Variants in DPP10 observed in about 807,000 individuals in gnomAD.
DPP10 encodes the protein inactive dipeptidyl peptidase 10.
A neutral mutation model predicts 120.9 loss-of-function variants in DPP10; 33 were observed. The observed-to-expected ratio is 0.27, with a 90% CI of 0.21 to 0.37. The LOEUF (loss-of-function observed/expected upper bound fraction) is 0.37, where lower values mean the gene tolerates loss of function less well. DPP10 is among the 10% of genes least tolerant of loss of function. The probability of loss-of-function intolerance (pLI) is 1.00; values close to 1 mark genes in which losing one functional copy is unlikely to be tolerated. For missense variants in DPP10, 816 were observed against 942.8 expected, an observed-to-expected ratio of 0.87 and a Z score of 1.76; for synonymous variants, 337 against 326.1, an observed-to-expected ratio of 1.03 and a Z score of -0.36.
intron 1 of DPP10, among the ~76,000 whole-genome samples, chr2:114,993,902 A>G (rs956995202): frequency 3.3e-5 from 5 of 152,124 alleles, no homozygotes; most frequent in African/African-American, 1.2e-4. Flanking sequence ...GTGCTGAATC[A>G]CCAGCCTCAC....
chr2:114,612,324 C>T (rs1025053290), intron 1 of DPP10, among the ~76,000 whole-genome samples: 2 of 152,132 alleles, frequency 1.3e-5, no homozygotes, highest in African/African-American at 4.8e-5. Context: ...TCATCTCTAG[C>T]CTCAACTCCT....
intron 1 of DPP10, among the ~76,000 whole-genome samples, chr2:114,929,768 T>C (rs62167686): frequency 0.18 from 28,011 of 152,130 alleles, 2,957 homozygotes; most frequent in Non-Finnish European, 0.23. Flanking sequence ...GATGATGGGA[T>C]TAAGAGATTA....
chr2:114,928,575 A>G lies in DPP10; in HGVS notation c.61-380664A>G, dbSNP rs560221745. Among the ~76,000 whole-genome samples, 4 of 152,190 alleles carry G rather than the reference A, an allele frequency of 2.6e-5. No homozygotes were observed. In the South Asian group the frequency reaches 8.3e-4, roughly 32 times the overall value. On this transcript the variant is annotated intron_variant, in intron 1 of 25. Transcript: ENST00000410059. Reference sequence around the variant, plus strand: ...TGGCTGCTGTCATGGGTTGGAGTAGAATGCCTGTGGCTTTTCCAGCCTGAG... The same window carrying G: ...TGGCTGCTGTCATGGGTTGGAGTAGGATGCCTGTGGCTTTTCCAGCCTGAG...
At chr2:114,709,417 G>T (rs1367857018) in intron 1 of DPP10, among the ~76,000 whole-genome samples, 3 of 152,056 alleles carry the variant, frequency 2.0e-5, no homozygotes, top group African/African-American at 7.2e-5. Context: ...TTAATTCCCT[G>T]TGTAAAAAAT....
intron 1 of DPP10, among the ~76,000 whole-genome samples, chr2:115,210,265 G>A (rs187112856): frequency 6.6e-6 from 1 of 152,124 alleles, no homozygotes; most frequent in Admixed American, 6.6e-5. Context: ...GTGAGAACAT[G>A]TGGTGTTTGG....
chr2:115,603,469 G>C (rs1006165997), intron 5 of DPP10, among the ~76,000 whole-genome samples: 1 of 151,694 alleles, frequency 6.6e-6, no homozygotes, highest in Non-Finnish European at 1.5e-5. Flanking sequence ...GGTAAGCAAG[G>C]GTGTAAGCTC....
intron 5 of DPP10, among the ~76,000 whole-genome samples, chr2:115,601,951 G>A (rs1839139): frequency 0.99 from 150,304 of 152,098 alleles, 74,293 homozygotes; most frequent in East Asian, 1. Flanking sequence ...AAAGTGCTGG[G>A]ATTACAGGTG....
At chr2:115,500,166 T>G (rs559278826) in intron 4 of DPP10, among the ~76,000 whole-genome samples, 8 of 152,002 alleles carry the variant, frequency 5.3e-5, no homozygotes, top group Non-Finnish European at 1.2e-4. Context: ...ACAGACTTTG[T>G]CTTTCTGAAA....
intron 1 of DPP10, among the ~76,000 whole-genome samples, chr2:114,462,352 A>G (rs1177269225): frequency 1.3e-5 from 2 of 152,124 alleles, no homozygotes; most frequent in East Asian, 3.8e-4. Flanking sequence ...CTTTTCCCCT[A>G]ACCTCCTGTT....
At chr2:115,735,735 G>T (rs1161287672) in intron 8 of DPP10, among the ~76,000 whole-genome samples, 6 of 112,138 alleles carry the variant, frequency 5.4e-5, no homozygotes, top group African/African-American at 2.0e-4. Flanking sequence ...GTTTCGCTAT[G>T]TTGGCCAGGC....
At chr2:115,154,268 CA>C (rs1195017408) in intron 1 of DPP10, among the ~76,000 whole-genome samples, 20 of 152,172 alleles carry the variant, frequency 1.3e-4, no homozygotes, top group African/African-American at 4.3e-4. Flanking sequence ...ATAGTGCAAA[CA>C]TAATTCTCTC....
intron 1 of DPP10, among the ~76,000 whole-genome samples, chr2:114,861,131 A>G (rs1558818069): frequency 1.3e-5 from 2 of 152,204 alleles, no homozygotes; most frequent in African/African-American, 2.4e-5. Context: ...ACTTAGGTCC[A>G]AAGAGTGCCT....
Position 115,390,604 on chromosome 2 carries a change from C to T in DPP10, c.271+46692C>T, listed in dbSNP as rs140146564. Among the ~76,000 whole-genome samples, 6 of 152,164 alleles carry T rather than the reference C, an allele frequency of 3.9e-5. No homozygotes were observed. In the East Asian group the frequency reaches 1.2e-3, roughly 29 times the overall value. ...TTTCTCAGCATACCAATTTTCCCTT[C>T]AATACTCAAGTTTAACGTTGAGAGA... On this transcript the variant is annotated intron_variant, in intron 3 of 25. Coordinates refer to ENST00000410059, the MANE Select transcript of DPP10 (RefSeq NM_020868.6).
At position 115,679,089 on chromosome 2, in the gene DPP10, G is replaced by A. The variant is rs1390526482; in HGVS notation, c.442-10598G>A. On this transcript the variant is annotated intron_variant, in intron 5 of 25. Coordinates refer to ENST00000410059, the MANE Select transcript of DPP10 (RefSeq NM_020868.6). ...AAAAGGGACTTGCCTTGTCTCAGAT[G>A]AGACTTTGGACTATGGAATTTTGAG... is the stretch of plus-strand genomic sequence containing the variant. Among the ~76,000 whole-genome samples, 3 of 152,122 alleles carry A rather than the reference G, an allele frequency of 2.0e-5. No homozygotes were observed. The East Asian group carries it at 5.8e-4, about 29-fold the overall frequency.
intron 1 of DPP10, among the ~76,000 whole-genome samples, chr2:114,545,603 G>C (rs1480672877): frequency 6.6e-6 from 1 of 152,158 alleles, no homozygotes; most frequent in Non-Finnish European, 1.5e-5. Flanking sequence ...TAGACTTTCT[G>C]TGTGAACTGT....
intron 1 of DPP10, among the ~76,000 whole-genome samples, chr2:114,621,984 A>T (rs1694125877): frequency 6.6e-6 from 1 of 151,788 alleles, no homozygotes; most frequent in Non-Finnish European, 1.5e-5. Flanking sequence ...GAGCTTAAAA[A>T]CTAGTAGATA....
intron 5 of DPP10, among the ~76,000 whole-genome samples, chr2:115,574,137 G>A (rs972457328): frequency 8.6e-5 from 13 of 151,890 alleles, no homozygotes; most frequent in African/African-American, 2.4e-4. Context: ...TGACTTCCCC[G>A]TTTTCCCCAT....
At chr2:115,668,132 A>G (rs1296278557) in intron 5 of DPP10, among the ~76,000 whole-genome samples, 1 of 152,110 alleles carries the variant, frequency 6.6e-6, no homozygotes, top group Non-Finnish European at 1.5e-5. Context: ...TTGTTTATAT[A>G]CTTTATCCAG....
intron 1 of DPP10, among the ~76,000 whole-genome samples, chr2:115,171,713 C>T (rs2053348326): frequency 6.7e-6 from 1 of 149,828 alleles, no homozygotes; most frequent in African/African-American, 2.5e-5. Context: ...TTAAGTATAA[C>T]CTTAAAAAAA....
Sources: gnomAD v4.1 joint callset for allele counts (sites outside exome capture counted in the v4.1 genomes callset) on GRCh38, gnomAD v4.1.1 for gene constraint, MANE v1.5 for transcripts, NCBI Gene and HGNC (gene_info 2026-07-23, HGNC 2026-07-21) for gene names.